The following ERMARD variants were observed in gnomAD, a reference collection of about 807,000 sequenced individuals.
The protein encoded by ERMARD is ER membrane associated RNA degradation.
ERMARD carries 71 observed loss-of-function variants against 83.9 expected under a neutral mutation model. That is an observed-to-expected ratio of 0.85 (90% CI 0.70 to 1.03). The LOEUF (loss-of-function observed/expected upper bound fraction) is 1.03, where lower values mean the gene tolerates loss of function less well. Ranked by LOEUF, ERMARD falls within the 50% of genes least tolerant of loss-of-function variation. ERMARD has a pLI of 0.00. For synonymous variants in ERMARD, 284 were observed against 298.6 expected, an observed-to-expected ratio of 0.95 and a Z score of 0.50; for missense variants, 838 against 810.9, an observed-to-expected ratio of 1.03 and a Z score of -0.41.
intron 13 of ERMARD, 43 bp downstream of exon 13, chr6:169,773,445 G>C (rs1187069744): frequency 1.3e-6 from 2 of 1,579,376 alleles, no homozygotes; most frequent in Admixed American, 1.7e-5. Context: ...GTATGTCTCT[G>C]AAACCACCTG....
chr6:169,756,007 A>G (rs980764526), intron 3 of ERMARD, among the ~76,000 whole-genome samples: 1 of 152,234 alleles, frequency 6.6e-6, no homozygotes, highest in Non-Finnish European at 1.5e-5. Context: ...TGGCAGGATG[A>G]GTGCCTTGTG....
At chr6:169,764,071 C>G (rs1791887484) in intron 9 of ERMARD, among the ~76,000 whole-genome samples, 1 of 152,206 alleles carries the variant, frequency 6.6e-6, no homozygotes, top group African/African-American at 2.4e-5. Flanking sequence ...CGTGTTTCCC[C>G]AACACCTCCC....
intron 9 of ERMARD, 52 bp from the exon 10 acceptor site, chr6:169,766,586 G>A (rs1792238540): frequency 6.1e-6 from 9 of 1,474,144 alleles, no homozygotes; most frequent in African/African-American, 2.9e-5. Flanking sequence ...TAGTGTTAGT[G>A]TATTTGTATT....
At chr6:169,775,911 CG>C (rs1562348808) in intron 14 of ERMARD, 28 bp from the exon 15 acceptor site, 1 of 1,612,288 alleles carries the variant, frequency 6.2e-7, no homozygotes, top group Non-Finnish European at 8.5e-7. Flanking sequence ...TTAATTGTCA[CG>C]TATCTTTAAA....
chr6:169,751,653 A>C lies in ERMARD; in HGVS notation c.-5A>C. 1 of 1,563,012 alleles carries C rather than the reference A, an allele frequency of 6.4e-7. No individual in the cohort carries two copies. Among genetic ancestry groups the C allele is most frequent in the South Asian group, 1.2e-5 (1 of 86,012 alleles). ...CACGCGCGCCGCAGCGGGGCACCGG[A>C]AGTTATGGAGGTAGGGCGGGTGTAG... On this transcript the variant is annotated 5_prime_UTR_variant, in exon 1 of 18. Coordinates refer to ENST00000366773, the MANE Select transcript of ERMARD (RefSeq NM_018341.3).
chr6:169,765,358 C>T (rs1792068290), intron 9 of ERMARD, among the ~76,000 whole-genome samples: 1 of 152,224 alleles, frequency 6.6e-6, no homozygotes, highest in African/African-American at 2.4e-5. Context: ...TAATAAGACA[C>T]TGCAGATGCT....
intron 9 of ERMARD, among the ~76,000 whole-genome samples, chr6:169,765,156 C>T (rs1166834244): frequency 1.3e-5 from 2 of 152,220 alleles, no homozygotes; most frequent in African/African-American, 4.8e-5. Flanking sequence ...TGGCACGCAC[C>T]ATCACTGTAG....
chr6:169,755,462 C>A (rs778152286), intron 3 of ERMARD, 40 bp downstream of exon 3: 1 of 1,609,854 alleles, frequency 6.2e-7, no homozygotes, highest in African/African-American at 1.3e-5. Flanking sequence ...AAAGACTGTG[C>A]GAATACTACT....
At chr6:169,754,589 C>T (rs1160544686) in intron 2 of ERMARD, among the ~76,000 whole-genome samples, 1 of 152,014 alleles carries the variant, frequency 6.6e-6, no homozygotes, top group African/African-American at 2.4e-5. Flanking sequence ...AATAAATAAA[C>T]AGCCAAACAT....
At position 169,774,723 on chromosome 6, in the gene ERMARD, G is replaced by A. The variant is rs973979960; in HGVS notation, c.1318-547G>A. 7.2e-5 allele frequency among the ~76,000 whole-genome samples: 11 copies of A among 152,292 alleles called. No homozygotes were observed. The South Asian group carries it at 1.5e-3, about 20-fold the overall frequency. Reference sequence around the variant, plus strand: ...GGGTTAGAAATGGGGAGCATCTGCCGAGGGATCTGTCTTGTGGCCTGACCT... The same window carrying A: ...GGGTTAGAAATGGGGAGCATCTGCCAAGGGATCTGTCTTGTGGCCTGACCT... On this transcript the variant is annotated intron_variant, in intron 13 of 17. Transcript: ENST00000366773.
chr6:169,779,318 G>T, intron 17 of ERMARD, 23 bp downstream of exon 17: 1 of 1,596,170 alleles, frequency 6.3e-7, no homozygotes, highest in Non-Finnish European at 8.6e-7. Flanking sequence ...CAGTATGTCT[G>T]CAGTCACATT....
intron 1 of ERMARD, among the ~76,000 whole-genome samples, chr6:169,752,756 G>T (rs1790299033): frequency 6.6e-6 from 1 of 152,098 alleles, no homozygotes; most frequent in Non-Finnish European, 1.5e-5. Context: ...TTCTTTGCAG[G>T]TTTATACGAT....
At chr6:169,759,296 T>TA (rs1448459956) in intron 6 of ERMARD, among the ~76,000 whole-genome samples, 1 of 152,190 alleles carries the variant, frequency 6.6e-6, no homozygotes, top group Non-Finnish European at 1.5e-5. Context: ...AGAAGGATGT[T>TA]ATGCCATTCA....
Position 169,774,603 on chromosome 6 carries a change from C to G in ERMARD, c.1318-667C>G, listed in dbSNP as rs1350605259. 2.0e-5 allele frequency among the ~76,000 whole-genome samples: 3 copies of G among 152,346 alleles called. No homozygotes were observed. In the East Asian group the frequency reaches 5.8e-4, roughly 29 times the overall value. ...TCCTGGCATCTCACAGGTATTCAGG[C>G]AGCTTTGCATCCTGGGCTTCCGTTA... On this transcript the variant is annotated intron_variant, in intron 13 of 17. Coordinates refer to ENST00000366773, the MANE Select transcript of ERMARD (RefSeq NM_018341.3).
chr6:169,755,697 G>C, intron 3 of ERMARD: 1 of 365,034 alleles, frequency 2.7e-6, no homozygotes, highest in Non-Finnish European at 5.0e-6. Context: ...TCCAAGGATA[G>C]AGGAAAAATT....
At chr6:169,779,054 G>A (rs1235636586) in intron 16 of ERMARD, 128 bp from the exon 17 acceptor site, 3 of 865,138 alleles carry the variant, frequency 3.5e-6, no homozygotes, top group East Asian at 5.3e-5. Flanking sequence ...GGGCTCTAAG[G>A]ATTAGGAAAA....
At chr6:169,756,288 G>T in intron 3 of ERMARD, 50 bp from the exon 4 acceptor site, 1 of 1,135,828 alleles carries the variant, frequency 8.8e-7, no homozygotes, top group Non-Finnish European at 1.3e-6. Context: ...TTGTTGCTTT[G>T]AGAAGTAGTT....
intron 5 of ERMARD, among the ~76,000 whole-genome samples, chr6:169,758,446 C>CA (rs925084229): frequency 3.9e-5 from 6 of 152,232 alleles, no homozygotes; most frequent in Non-Finnish European, 7.3e-5. Context: ...GGCTTCACGT[C>CA]AGACAGCTAG....
chr6:169,756,617 C>A (rs1329326778), intron 4 of ERMARD, 102 bp from the exon 5 acceptor site: 12 of 1,090,680 alleles, frequency 1.1e-5, no homozygotes, highest in African/African-American at 1.6e-5. Flanking sequence ...TGTCTAAGTA[C>A]TTTTCACCCT....
Sources: gnomAD v4.1 joint callset for allele counts (sites outside exome capture counted in the v4.1 genomes callset) on GRCh38, gnomAD v4.1.1 for gene constraint, MANE v1.5 for transcripts, NCBI Gene and HGNC (gene_info 2026-07-23, HGNC 2026-07-21) for gene names.